The following ATG10 variants were observed in gnomAD, a reference collection of about 807,000 sequenced individuals.
The protein encoded by ATG10 is ubiquitin-like-conjugating enzyme ATG10.
ATG10 carries 30 observed loss-of-function variants against 32.1 expected under a neutral mutation model. That is an observed-to-expected ratio of 0.94 (90% CI 0.70 to 1.27). The LOEUF is 1.27. Among genes scored for constraint, ATG10 ranks in the 50% most tolerant of loss-of-function variants. ATG10 has a pLI of 0.00. For missense variants in ATG10, 233 were observed against 262.3 expected, an observed-to-expected ratio of 0.89 and a Z score of 0.77; for synonymous variants, 87 against 91.5, an observed-to-expected ratio of 0.95 and a Z score of 0.28.
intron 5 of ATG10, among the ~76,000 whole-genome samples, chr5:82,249,142 G>A (rs1249008096): frequency 6.6e-6 from 1 of 152,184 alleles, no homozygotes; most frequent in Non-Finnish European, 1.5e-5. Flanking sequence ...ATATTAAAAT[G>A]TTGTAGATTA....
intron 2 of ATG10, among the ~76,000 whole-genome samples, chr5:82,053,724 A>C (rs953424450): frequency 1.3e-5 from 2 of 152,170 alleles, no homozygotes; most frequent in Non-Finnish European, 2.9e-5. Flanking sequence ...TTATTCTTCT[A>C]CAGTGACAGA....
intron 3 of ATG10, among the ~76,000 whole-genome samples, chr5:82,112,320 T>C (rs1241387856): frequency 2.0e-5 from 3 of 151,934 alleles, no homozygotes; most frequent in African/African-American, 7.2e-5. Flanking sequence ...AGATAATGTT[T>C]GTTAACCATT....
intron 2 of ATG10, among the ~76,000 whole-genome samples, chr5:81,993,364 T>TTC (rs1761537975): frequency 1.2e-4 from 4 of 34,144 alleles, no homozygotes; most frequent in Non-Finnish European, 2.5e-4. Flanking sequence ...TCTTTCCTTC[T>TTC]TTTCTTTTCT....
At chr5:82,022,861 C>T (rs1213218813) in intron 2 of ATG10, among the ~76,000 whole-genome samples, 3 of 151,776 alleles carry the variant, frequency 2.0e-5, no homozygotes, top group Admixed American at 2.0e-4. Flanking sequence ...TGTCTGCCTC[C>T]AAAGATTATT....
At chr5:82,091,592 T>TA (rs1220135826) in intron 3 of ATG10, among the ~76,000 whole-genome samples, 7 of 152,210 alleles carry the variant, frequency 4.6e-5, no homozygotes, top group African/African-American at 1.7e-4. Context: ...GATTTAATCT[T>TA]ACTATTATAG....
At chr5:82,216,435 A>G (rs766905752) in intron 5 of ATG10, among the ~76,000 whole-genome samples, 13 of 152,242 alleles carry the variant, frequency 8.5e-5, no homozygotes, top group Non-Finnish European at 1.9e-4. Flanking sequence ...CCAGACTTTG[A>G]TAGATTCTTT....
At chr5:82,174,482 G>T (rs1424771704) in intron 4 of ATG10, among the ~76,000 whole-genome samples, 1 of 152,164 alleles carries the variant, frequency 6.6e-6, no homozygotes, top group Non-Finnish European at 1.5e-5. Flanking sequence ...TTGGAAGATG[G>T]TTACTTATTA....
intron 2 of ATG10, among the ~76,000 whole-genome samples, chr5:82,002,908 A>G (rs966627944): frequency 5.3e-5 from 8 of 152,214 alleles, no homozygotes; most frequent in African/African-American, 1.9e-4. Flanking sequence ...CTATACAACA[A>G]ACCTGCTCTT....
Position 82,251,495 on chromosome 5 carries a change from C to CT in ATG10, c.454-1066dup, listed in dbSNP as rs1747250793. On this transcript the variant is annotated intron_variant, in intron 5 of 7. Coordinates refer to ENST00000282185, the MANE Select transcript of ATG10 (RefSeq NM_031482.5). Reference sequence around the variant, plus strand: ...AGGTTAGTTTCACAAATAGGGAGGTCTGGCATGCTGAACCTGCATTCCCAC... The same window carrying CT: ...AGGTTAGTTTCACAAATAGGGAGGTCTTGGCATGCTGAACCTGCATTCCCAC... Among the ~76,000 whole-genome samples the CT allele has an allele frequency of 5.9e-5, 9 of 152,184 alleles. No individual in the cohort carries two copies. The South Asian group carries it at 1.4e-3, about 25-fold the overall frequency.
intron 1 of ATG10, among the ~76,000 whole-genome samples, chr5:81,980,604 A>G (rs1581560113): frequency 1.3e-5 from 2 of 152,014 alleles, no homozygotes; most frequent in South Asian, 2.1e-4. Flanking sequence ...TCCTGTAACT[A>G]TAATGAGGGG....
At chr5:82,017,814 C>T (rs1762330235) in intron 2 of ATG10, among the ~76,000 whole-genome samples, 1 of 152,044 alleles carries the variant, frequency 6.6e-6, no homozygotes, top group African/African-American at 2.4e-5. Flanking sequence ...TTCTTTCCTC[C>T]TTGATATACT....
At chr5:82,174,529 A>G (rs922213681) in intron 4 of ATG10, among the ~76,000 whole-genome samples, 13 of 152,184 alleles carry the variant, frequency 8.5e-5, no homozygotes, top group Admixed American at 8.5e-4. Flanking sequence ...AATCATTTGG[A>G]AGCAAATATA....
chr5:81,993,696 G>C (rs1761575439), intron 2 of ATG10, among the ~76,000 whole-genome samples: 1 of 151,924 alleles, frequency 6.6e-6, no homozygotes, highest in Non-Finnish European at 1.5e-5. Flanking sequence ...AAAGTACTGG[G>C]ATTACAGACG....
intron 2 of ATG10, among the ~76,000 whole-genome samples, chr5:82,013,064 T>G (rs1650260984): frequency 6.6e-6 from 1 of 151,452 alleles, no homozygotes; most frequent in African/African-American, 2.4e-5. Context: ...CGGGTTCCAG[T>G]GATTCTCCTG....
At chr5:82,219,873 A>G (rs1476021064) in intron 5 of ATG10, among the ~76,000 whole-genome samples, 2 of 152,228 alleles carry the variant, frequency 1.3e-5, no homozygotes, top group Non-Finnish European at 2.9e-5. Flanking sequence ...AGGAGCACCT[A>G]TTATGAGCAG....
intron 5 of ATG10, among the ~76,000 whole-genome samples, chr5:82,237,368 G>T (rs952440106): frequency 2.6e-5 from 4 of 152,118 alleles, no homozygotes; most frequent in African/African-American, 4.8e-5. Context: ...TCTTGGCCGG[G>T]TGTGGTGGCT....
intron 3 of ATG10, among the ~76,000 whole-genome samples, chr5:82,096,397 T>C (rs917850777): frequency 2.0e-5 from 3 of 152,192 alleles, no homozygotes; most frequent in African/African-American, 7.2e-5. Context: ...CAAAGTTAGC[T>C]CAAAATGAAA....
At position 82,139,015 on chromosome 5, in the gene ATG10, A is replaced by C. The variant is rs1255969962; in HGVS notation, c.217-25384A>C. Among the ~76,000 whole-genome samples, 3 of 149,980 alleles carry C rather than the reference A, an allele frequency of 2.0e-5. No individual in the cohort carries two copies. The South Asian group carries it at 6.4e-4, about 32-fold the overall frequency. The stretch of plus-strand genomic sequence containing the variant: ...TCGCAGGCACGCGCCGCCACGCCTG[A>C]CTGGTTTTGGTGGAGACGGGGTTTC... On this transcript the variant is annotated intron_variant, in intron 3 of 7. Transcript: ENST00000282185.
intron 1 of ATG10, among the ~76,000 whole-genome samples, chr5:81,975,122 A>G (rs1421404701): frequency 6.6e-6 from 1 of 152,160 alleles, no homozygotes; most frequent in Non-Finnish European, 1.5e-5. Flanking sequence ...TTACCTCAAA[A>G]AGTTGCTCTG....
Sources: gnomAD v4.1 joint callset for allele counts (sites outside exome capture counted in the v4.1 genomes callset) on GRCh38, gnomAD v4.1.1 for gene constraint, MANE v1.5 for transcripts, NCBI Gene and HGNC (gene_info 2026-07-23, HGNC 2026-07-21) for gene names.